The following FRMPD4 variants were observed in gnomAD, a reference collection of about 807,000 sequenced individuals.
The protein encoded by FRMPD4 is FERM and PDZ domain-containing protein 4.
FRMPD4 carries 22 observed loss-of-function variants against 94.1 expected under a neutral mutation model. The observed-to-expected ratio is 0.23, with a 90% confidence interval of 0.17 to 0.33. The LOEUF (loss-of-function observed/expected upper bound fraction) is 0.33. Ranked by LOEUF, FRMPD4 falls within the 10% of genes least tolerant of loss-of-function variation. The pLI, the probability that FRMPD4 is intolerant of heterozygous loss-of-function variation, is 1.00. For missense variants in FRMPD4, 1,111 were observed against 1,339.9 expected (o/e 0.83, Z 2.67); for synonymous variants, 631 against 548.6 (o/e 1.15, Z -2.10).
intron 1 of FRMPD4, among the ~76,000 whole-genome samples, chrX:11,831,505 A>G (rs1046706190): frequency 8.9e-6 from 1 of 112,102 alleles, no homozygotes; most frequent in Non-Finnish European, 1.9e-5. Flanking sequence ...ATAAACTCTT[A>G]GTATCTGTGA....
intron 3 of FRMPD4, among the ~76,000 whole-genome samples, chrX:12,005,142 ATT>A (rs1331993914): frequency 9.0e-6 from 1 of 111,143 alleles, no homozygotes; most frequent in Non-Finnish European, 1.9e-5. Context: ...CTATGTTATT[ATT>A]TTTCTTTTAT....
rs147290338 is a variant in FRMPD4, at chrX:11,863,042, C to T, written c.-160-2044C>T. On this transcript the variant is annotated intron_variant, in intron 1 of 18. Coordinates refer to the FRMPD4 transcript ENST00000640291. ...TAAGTTTTAGGGTACATGTGCACAA[C>T]GTGCAGGTTTGTTACATATGTACAA... Among the ~76,000 whole-genome samples, 10 of 95,070 alleles carry T rather than the reference C, an allele frequency of 1.1e-4. No homozygotes were observed. In the East Asian group the frequency reaches 2.5e-3, roughly 23 times the overall value. 82.6% of individuals were successfully genotyped at this position (95,070 alleles called of 115,157 possible). A position where few individuals can be genotyped will look rare whatever the true frequency, so the allele number is the denominator to read the frequency against.
At chrX:11,848,685 C>G (rs764098730) in intron 1 of FRMPD4, among the ~76,000 whole-genome samples, 2 of 110,510 alleles carry the variant, frequency 1.8e-5, no homozygotes, top group East Asian at 5.7e-4. Flanking sequence ...GGATGATCCA[C>G]TTCTAGGAAC....
intron 1 of FRMPD4, among the ~76,000 whole-genome samples, chrX:12,374,764 G>T (rs1569251246): frequency 9.0e-6 from 1 of 111,244 alleles, no homozygotes; most frequent in Non-Finnish European, 1.9e-5. Flanking sequence ...TTTCTTGGGG[G>T]CCAGTATGCA....
chrX:12,360,566 G>A (rs1330098717), intron 1 of FRMPD4, among the ~76,000 whole-genome samples: 1 of 111,653 alleles, frequency 9.0e-6, no homozygotes. Flanking sequence ...GTCACTATTG[G>A]TTAACAGTCT....
At chrX:12,144,050 A>G (rs1206556462) in intron 1 of FRMPD4, among the ~76,000 whole-genome samples, 6 of 112,195 alleles carry the variant, frequency 5.3e-5, no homozygotes, top group Non-Finnish European at 1.1e-4. Context: ...GCCTCAACCA[A>G]TGTGTGCTGG....
chrX:11,850,445 C>T (rs190633248), intron 1 of FRMPD4, among the ~76,000 whole-genome samples: 49 of 111,967 alleles, frequency 4.4e-4, no homozygotes, highest in African/African-American at 1.3e-3. Context: ...AAATCTACTT[C>T]GGGGTTTATA....
intron 3 of FRMPD4, among the ~76,000 whole-genome samples, chrX:12,053,603 A>G (rs1317729224): frequency 9.0e-6 from 1 of 111,135 alleles, no homozygotes; most frequent in African/African-American, 3.3e-5. Context: ...CGAGGCCTGC[A>G]CATCACATAT....
intron 2 of FRMPD4, among the ~76,000 whole-genome samples, chrX:12,534,361 G>A (rs934855679): frequency 1.8e-5 from 2 of 112,555 alleles, no homozygotes; most frequent in African/African-American, 6.4e-5. Flanking sequence ...AGGGAAATGT[G>A]GGATTGGAGC....
In FRMPD4 at chrX:12,714,321, C is replaced by T. The variant is rs564921656; in HGVS notation, c.1610-1748C>T. ...GTTACCGCCTCCTGCTTCTGGTGGC[C>T]GCCAGCATTCCTTGTGGCTGCTTAA... On this transcript the variant is annotated intron_variant, in intron 14 of 16. Transcript: ENST00000675598. Among the ~76,000 whole-genome samples, 146 of 111,307 alleles carry T rather than the reference C, an allele frequency of 1.3e-3. 3 individuals carry two copies. The South Asian group carries it at 0.054, about 41-fold the overall frequency.
chrX:11,985,378 G>A (rs1031888813), intron 3 of FRMPD4, among the ~76,000 whole-genome samples: 1 of 111,751 alleles, frequency 8.9e-6, no homozygotes, highest in Non-Finnish European at 1.9e-5. Context: ...GAGACCTTGG[G>A]CCTTGAATAA....
chrX:12,476,172 T>C (rs1396616267), intron 1 of FRMPD4, among the ~76,000 whole-genome samples: 31 of 111,575 alleles, frequency 2.8e-4, no homozygotes, highest in Admixed American at 2.2e-3. Context: ...TATCTACAAC[T>C]ATCTGATCTT....
chrX:12,030,447 A>G (rs1488413274), intron 3 of FRMPD4, among the ~76,000 whole-genome samples: 1 of 111,746 alleles, frequency 8.9e-6, no homozygotes, highest in Non-Finnish European at 1.9e-5. Context: ...CTGGTCATCA[A>G]CTTGGAAACC....
chrX:11,852,453 AAAAAAAAAGAAAAAG>A (rs2053629590), intron 1 of FRMPD4, among the ~76,000 whole-genome samples: 1 of 108,637 alleles, frequency 9.2e-6, no homozygotes, highest in Non-Finnish European at 1.9e-5. Flanking sequence ...AAAAAAAAAA[AAAAAAAAAGAAAAAG>A]AAAAAAAAGA....
At chrX:12,678,045 C>A (rs2059918303) in intron 5 of FRMPD4, among the ~76,000 whole-genome samples, 2 of 112,138 alleles carry the variant, frequency 1.8e-5, no homozygotes, top group Admixed American at 9.4e-5. Flanking sequence ...GACCTATTTC[C>A]TTCCAGTCTT....
At chrX:12,108,008 T>C (rs1157000926) in intron 3 of FRMPD4, among the ~76,000 whole-genome samples, 2 of 111,866 alleles carry the variant, frequency 1.8e-5, no homozygotes, top group African/African-American at 6.5e-5. Context: ...TGCAGGATAT[T>C]ATCCAGGAGA....
At position 12,561,059 on chromosome X, in the gene FRMPD4, G is replaced by A. The variant is rs112737659; in HGVS notation, c.159-48662G>A. ...GCTGGGATTACAGGCGTGAGCCACC[G>A]CGCCCGGCCCCCTCATCTTTTTTGA... On this transcript the variant is annotated intron_variant, in intron 2 of 16. Transcript: ENST00000675598. 5.8e-3 allele frequency among the ~76,000 whole-genome samples: 634 copies of A among 110,081 alleles called. 3 individuals are homozygous for A. The highest frequency in any genetic ancestry group is 0.02 in the African/African-American group (596 of 30,364).
intron 2 of FRMPD4, among the ~76,000 whole-genome samples, chrX:12,574,808 C>A (rs902080570): frequency 8.9e-6 from 1 of 112,052 alleles, no homozygotes; most frequent in Non-Finnish European, 1.9e-5. Flanking sequence ...GTGCCCAGCC[C>A]GGGGTATTTT....
intron 4 of FRMPD4, among the ~76,000 whole-genome samples, chrX:12,656,058 T>C (rs1344504003): frequency 8.9e-6 from 1 of 112,484 alleles, no homozygotes; most frequent in Non-Finnish European, 1.9e-5. Context: ...TTATTCAACA[T>C]GGTGTCTTTC....
Sources: gnomAD v4.1 joint callset for allele counts (sites outside exome capture counted in the v4.1 genomes callset) on GRCh38, gnomAD v4.1.1 for gene constraint, MANE v1.5 for transcripts, NCBI Gene and HGNC (gene_info 2026-07-23, HGNC 2026-07-21) for gene names.